The following TM9SF1 variants were observed in gnomAD, a reference collection of about 807,000 sequenced individuals.
The protein encoded by TM9SF1 is MP70 protein family member.
A neutral mutation model predicts 52.4 loss-of-function variants in TM9SF1; 25 were observed. The observed-to-expected ratio is 0.48, with a 90% confidence interval of 0.35 to 0.67. The LOEUF (loss-of-function observed/expected upper bound fraction) is 0.67, where lower values mean the gene tolerates loss of function less well. Among genes scored for constraint, TM9SF1 ranks in the 30% least tolerant of loss-of-function variants. TM9SF1 has a pLI of 0.01. For missense variants in TM9SF1, 604 were observed against 780.3 expected, an observed-to-expected ratio of 0.77 and a Z score of 2.69; for synonymous variants, 284 against 299.8, an observed-to-expected ratio of 0.95 and a Z score of 0.55.
chr14:24,195,136 T>C, intron 1 of TM9SF1, 100 bp from the exon 2 acceptor site: 1 of 761,534 alleles, frequency 1.3e-6, no homozygotes, highest in Non-Finnish European at 2.1e-6. Flanking sequence ...TTGCTCCCAT[T>C]GGCCCCCTCC....
Position 24,190,047 on chromosome 14 carries a change from T to C in TM9SF1, c.1428-239A>G, listed in dbSNP as rs187779761. The C allele has an allele frequency of 7.1e-5, 96 of 1,358,564 alleles. No individual in the cohort carries two copies. In the African/African-American group the frequency reaches 1.4e-3, roughly 20 times the overall value. 84.2% of individuals were successfully genotyped at this position (1,358,564 alleles called of 1,614,324 possible). On this transcript the variant is annotated intron_variant, in intron 5 of 5. Coordinates refer to ENST00000261789, the MANE Select transcript of TM9SF1 (RefSeq NM_006405.7). Reference sequence around the variant, plus strand: ...GAGGGCAGGGATCTTGTCCATTTTATTCCACTTTATTCTTTGCCTGGCACA... The same window carrying C: ...GAGGGCAGGGATCTTGTCCATTTTACTCCACTTTATTCTTTGCCTGGCACA...
At position 24,193,090 on chromosome 14, in the gene TM9SF1, T is replaced by C. The variant is rs62621251; in HGVS notation, c.525A>G (p.Ile175Met). 14,474 of 1,614,008 alleles carry C rather than the reference T, an allele frequency of 9.0e-3. 81 individuals are homozygous for C. The highest frequency in any genetic ancestry group is 0.01 in the Non-Finnish European group (12,111 of 1,180,006). Residue 175 changes from isoleucine (I) to methionine (M), a missense_variant, in exon 3 of 6, where the codon ATA (isoleucine) becomes ATG (methionine). Coordinates refer to ENST00000261789, the MANE Select transcript of TM9SF1 (RefSeq NM_006405.7). ...FHLEFHGDRI[I>M]FANVSVRDVK... ...CGTCCCGCACTGAAACATTGGCAAA[T>C]ATAATTCGGTCTCCATGGAATTCTA...
At chr14:24,190,046 A>T in intron 5 of TM9SF1, 1 of 1,358,450 alleles carries the variant, frequency 7.4e-7, no homozygotes, top group South Asian at 2.1e-5. Context: ...TGTCCATTTT[A>T]TTCCACTTTA....
In TM9SF1 at chr14:24,193,066, G is replaced by A. The variant is rs145911953; in HGVS notation, c.549C>T (p.Asp183=). 187 of 1,614,166 alleles carry A rather than the reference G, an allele frequency of 1.2e-4. No homozygotes were observed. The African/African-American group carries it at 1.6e-3, about 14-fold the overall frequency. ...RIIFANVSVR[D]VKPHSLDGLR... ...ACCCATCCAAGCTGTGGGGCTTGAC[G>A]TCCCGCACTGAAACATTGGCAAATA... is the stretch of plus-strand genomic sequence containing the variant. Residue 183 remains aspartate (D), a synonymous_variant, in exon 3 of 6, where the codon GAC becomes GAT. Transcript: ENST00000261789.
At chr14:24,190,073 AAG>A in intron 5 of TM9SF1, 2 of 1,357,830 alleles carry the variant, frequency 1.5e-6, no homozygotes, top group Non-Finnish European at 1.9e-6. Flanking sequence ...GCCTGGCACA[AAG>A]AGGTATTCAA....
In TM9SF1 at chr14:24,194,937, G is replaced by A. The variant is rs542528341; in HGVS notation, c.83C>T (p.Pro28Leu). The A allele has an allele frequency of 1.9e-6, 3 of 1,614,170 alleles. No homozygotes were observed. The highest frequency in any genetic ancestry group is 2.5e-6 in the Non-Finnish European group (3 of 1,180,044). ...LILLLGTGHG[P>L]GVEGVTHYKA... The stretch of plus-strand genomic sequence containing the variant: ...GTAGTGTGTCACGCCTTCCACCCCT[G>A]GCCCATGGCCTGTGCCCAGCAACAG... The change falls in exon 2 of 6, where the codon CCA becomes CTA. Residue 28 changes from proline (P) to leucine (L), a missense_variant. Physicochemically the swap from Pro to Leu is moderately conservative, Grantham distance 98. This residue lies in a region of TM9SF1 where 47 missense variants were observed against 39.7 expected (regional missense o/e 1.18). Transcript: ENST00000261789.
rs2039375967 is a variant in TM9SF1, at chr14:24,194,950, T to A, written c.70A>T (p.Thr24Ser). ...WLPILILLLG[T>S]GHGPGVEGVT... ...CCTTCCACCCCTGGCCCATGGCCTG[T>A]GCCCAGCAACAGTATCAGGATTGGC... Residue 24 changes from threonine to serine, a missense_variant, in exon 2 of 6, where the codon ACA becomes TCA. Transcript: ENST00000261789. 6 of 1,614,088 alleles carry A rather than the reference T, an allele frequency of 3.7e-6. No homozygotes were observed. The highest frequency in any genetic ancestry group is 1.3e-5 in the African/African-American group (1 of 74,926).
chr14:24,190,515 C>A lies in TM9SF1; in HGVS notation c.1292G>T (p.Gly431Val), dbSNP rs931839912. 8.1e-6 allele frequency: 13 copies of A among 1,614,132 alleles called. No individual in the cohort carries two copies. Among genetic ancestry groups the A allele is most frequent in the Non-Finnish European group, 1.1e-5 (13 of 1,180,036 alleles). Residue 431 changes from glycine to valine, a missense_variant, in exon 5 of 6, where the codon GGC (glycine) becomes GTC (valine). This residue lies in a region of TM9SF1 where 450 missense variants were observed against 560.1 expected (regional missense o/e 0.80). Coordinates refer to ENST00000261789, the MANE Select transcript of TM9SF1 (RefSeq NM_006405.7). Reference sequence around the variant, plus strand: ...GCTGGCGTTGTTCTTCCCAAAGATGCCTCCAATGACAGTGAGGGGAAAGCC... The same window carrying A: ...GCTGGCGTTGTTCTTCCCAAAGATGACTCCAATGACAGTGAGGGGAAAGCC... Reference protein sequence around the residue: ...LVGFPLTVIGGIFGKNNASPF... With the variant: ...LVGFPLTVIGVIFGKNNASPF...
intron 2 of TM9SF1, among the ~76,000 whole-genome samples, chr14:24,194,384 T>C (rs779134316): frequency 2.0e-5 from 3 of 152,208 alleles, no homozygotes; most frequent in African/African-American, 7.2e-5. Flanking sequence ...GTGGGACTGA[T>C]AGTTGGGACC....
chr14:24,192,086 A>T lies in TM9SF1; in HGVS notation c.1153+85T>A. 2 of 1,381,960 alleles carry T rather than the reference A, an allele frequency of 1.4e-6. No individual in the cohort carries two copies. Among genetic ancestry groups the T allele is most frequent in the Non-Finnish European group, 2.1e-6 (2 of 975,524 alleles). The allele number at this position is 1,381,960 out of a possible 1,614,324, so 85.6% of individuals were successfully genotyped here. A position where few individuals can be genotyped will look rare whatever the true frequency, so the allele number is the denominator to read the frequency against. On this transcript the variant is annotated intron_variant, in intron 4 of 5. Coordinates refer to ENST00000261789, the MANE Select transcript of TM9SF1 (RefSeq NM_006405.7). This position sits in a 1 kb window ranked among gnomAD's most constrained non-coding sequence, Gnocchi z 4.0. Reference sequence around the variant, plus strand: ...CTCGGTCTCCCAAAGTGCTAGGATTACAGGTGTGAGCCACTGTGACCAGCC... The same window carrying T: ...CTCGGTCTCCCAAAGTGCTAGGATTTCAGGTGTGAGCCACTGTGACCAGCC...
At chr14:24,195,250 C>T (rs2039380451) in intron 1 of TM9SF1, 96 bp downstream of exon 1, 1 of 557,140 alleles carries the variant, frequency 1.8e-6, no homozygotes, top group Non-Finnish European at 3.2e-6. Context: ...CCCGTCTGGC[C>T]CGGGGCCTCT....
In TM9SF1 at chr14:24,191,155, A is replaced by G. The variant is rs149812367; in HGVS notation, c.1154-502T>C. Among the ~76,000 whole-genome samples, 705 of 152,198 alleles carry G rather than the reference A, an allele frequency of 4.6e-3. 4 individuals carry two copies. The highest frequency in any genetic ancestry group is 0.016 in the African/African-American group (671 of 41,520). ...GCTGGGATTACAGGCATGAGCCACC[A>G]CACCCGGACTCTTTGCTCTTTATCT... On this transcript the variant is annotated intron_variant, in intron 4 of 5. Transcript: ENST00000261789.
chr14:24,190,915 G>GA (rs2039314695), intron 4 of TM9SF1, among the ~76,000 whole-genome samples: 1 of 133,250 alleles, frequency 7.5e-6, no homozygotes, highest in South Asian at 2.4e-4. Flanking sequence ...AGGCTGGAGT[G>GA]CAGTGGCGCG....
rs765377419 is a variant in TM9SF1 at position 24,193,000 on chromosome 14, G to A, written c.615C>T (p.Ser205=). ...CCACTGAAGTCTCAGACCAGCGCAC[G>A]CTATAAGTGTGGGTAAGGCCTAGGA... ...DEFLGLTHTY[S]VRWSETSVER... Residue 205 remains serine (S), a synonymous_variant, in exon 3 of 6, where the codon AGC becomes AGT. Coordinates refer to ENST00000261789, the MANE Select transcript of TM9SF1 (RefSeq NM_006405.7). This position sits in a 1 kb window ranked among gnomAD's most constrained non-coding sequence, Gnocchi z 4.0. 6.2e-6 allele frequency: 10 copies of A among 1,614,180 alleles called. No individual in the cohort carries two copies. In the South Asian group the frequency reaches 7.7e-5, roughly 12 times the overall value.
chr14:24,189,869 G>A, intron 5 of TM9SF1, 61 bp from the exon 6 acceptor site: 1 of 1,513,440 alleles, frequency 6.6e-7, no homozygotes, highest in Non-Finnish European at 8.9e-7. Flanking sequence ...CACAGTGGCT[G>A]GGCTGAAATC....
intron 2 of TM9SF1, among the ~76,000 whole-genome samples, chr14:24,193,789 G>A (rs2039358204): frequency 2.0e-5 from 3 of 151,660 alleles, no homozygotes; most frequent in South Asian, 4.2e-4. Flanking sequence ...GCGTGGTGGC[G>A]GGCGCCTGTA....
chr14:24,193,037 C>G lies in TM9SF1; in HGVS notation c.578G>C (p.Arg193Pro), dbSNP rs369189334. 9 of 1,614,174 alleles carry G rather than the reference C, an allele frequency of 5.6e-6. No individual in the cohort carries two copies. Among genetic ancestry groups the G allele is most frequent in the Non-Finnish European group, 7.6e-6 (9 of 1,180,032 alleles). Residue 193 changes from arginine (R) to proline (P), a missense_variant, in exon 3 of 6, where the codon CGA becomes CCA. Coordinates refer to ENST00000261789, the MANE Select transcript of TM9SF1 (RefSeq NM_006405.7). ...GGTAAGGCCTAGGAACTCGTCAGGT[C>G]GTAACCCATCCAAGCTGTGGGGCTT... ...DVKPHSLDGL[R>P]PDEFLGLTHT...
At chr14:24,189,978 A>G in intron 5 of TM9SF1, 170 bp from the exon 6 acceptor site, 3 of 1,394,714 alleles carry the variant, frequency 2.2e-6, no homozygotes, top group East Asian at 2.5e-5. Flanking sequence ...TTTTTTGCCT[A>G]TGATTAGCCG....
Position 24,190,381 on chromosome 14 carries a change from T to A in TM9SF1, c.1426A>T (p.Ser476Cys). 1 of 1,570,188 alleles carries A rather than the reference T, an allele frequency of 6.4e-7. No individual in the cohort carries two copies. Among genetic ancestry groups the A allele is most frequent in the Non-Finnish European group, 8.6e-7 (1 of 1,156,328 alleles). Reference sequence around the variant, plus strand: ...AGCCATGGAATAAAGGGAGGATACCTGAAAGGCAGGAAGCCTCCAACAGTC... The same window carrying A: ...AGCCATGGAATAAAGGGAGGATACCAGAAAGGCAGGAAGCCTCCAACAGTC... ...HMTVGGFLPF[S>C]AISVELYYIF... Residue 476 changes from serine to cysteine, a missense_variant and splice_region_variant, in exon 5 of 6, where the codon AGT becomes TGT. Physicochemically the swap from Ser to Cys is moderately radical, Grantham distance 112. Around this residue, in one of 3 missense-constraint regions of TM9SF1, gnomAD observed 107 missense variants for 180.5 expected, o/e 0.59. Coordinates refer to ENST00000261789, the MANE Select transcript of TM9SF1 (RefSeq NM_006405.7).
Sources: gnomAD v4.1 joint callset for allele counts (sites outside exome capture counted in the v4.1 genomes callset) on GRCh38, gnomAD v4.1.1 for gene constraint, gnomAD v4.1.1 regional missense constraint, Gnocchi (gnomAD v3.1) non-coding constraint, MANE v1.5 for transcripts, NCBI Gene and HGNC (gene_info 2026-07-23, HGNC 2026-07-21) for gene names.